The following BARD1 variants were observed in gnomAD, a reference collection of about 807,000 sequenced individuals.
BARD1 encodes the protein BRCA1 associated RING domain 1, also known as BRCA1-associated RING domain protein 1.
BARD1 carries 73 observed loss-of-function variants against 77.0 expected under a neutral mutation model. That is an observed-to-expected ratio of 0.95 (90% CI 0.79 to 1.15). The LOEUF is 1.15. Ranked by LOEUF, BARD1 falls within the 50% of genes most tolerant of loss-of-function variation. The pLI is 0.00. For missense variants in BARD1, 993 were observed against 938.8 expected, an observed-to-expected ratio of 1.06 and a Z score of -0.75; for synonymous variants, 384 against 338.0, an observed-to-expected ratio of 1.14 and a Z score of -1.49.
At chr2:214,805,844 C>A (rs1033305656) in intron 1 of BARD1, among the ~76,000 whole-genome samples, 2 of 152,100 alleles carry the variant, frequency 1.3e-5, no homozygotes, top group African/African-American at 4.8e-5. Context: ...AAAAGGCCCA[C>A]GTTACAATTG....
chr2:214,744,930 C>G, intron 9 of BARD1, 137 bp downstream of exon 9: 2 of 830,754 alleles, frequency 2.4e-6, no homozygotes, highest in Non-Finnish European at 4.0e-6. Flanking sequence ...CACGCCCAGC[C>G]AGAAGCTTTT....
intron 5 of BARD1, 93 bp from the exon 6 acceptor site, chr2:214,767,747 A>T: frequency 8.3e-7 from 1 of 1,198,204 alleles, no homozygotes; most frequent in Non-Finnish European, 1.2e-6. Flanking sequence ...ATAAATGTAA[A>T]CGTCAGGCAG....
At chr2:214,808,642 T>C (rs1696393967) in intron 1 of BARD1, among the ~76,000 whole-genome samples, 1 of 152,146 alleles carries the variant, frequency 6.6e-6, no homozygotes, top group Non-Finnish European at 1.5e-5. Context: ...GACAAACCTT[T>C]CTTGGGTTTT....
intron 1 of BARD1, among the ~76,000 whole-genome samples, chr2:214,800,194 T>C (rs1187247393): frequency 6.6e-6 from 1 of 152,246 alleles, no homozygotes; most frequent in Non-Finnish European, 1.5e-5. Context: ...CTATCACATA[T>C]TAGTAATGAT....
chr2:214,781,579 T>C (rs777104821), intron 3 of BARD1, 70 bp from the exon 4 acceptor site: 132 of 1,318,360 alleles, frequency 1.0e-4, no homozygotes, highest in Admixed American at 2.1e-4. Flanking sequence ...TCCCGAAGAA[T>C]TTTGTTTACA....
intron 9 of BARD1, among the ~76,000 whole-genome samples, chr2:214,743,194 T>G (rs1692928066): frequency 6.6e-6 from 1 of 152,180 alleles, no homozygotes; most frequent in Non-Finnish European, 1.5e-5. Context: ...TAGCTGTATT[T>G]GAAAATGACA....
chr2:214,786,617 G>T (rs1333509667), intron 3 of BARD1, among the ~76,000 whole-genome samples: 1 of 151,906 alleles, frequency 6.6e-6, no homozygotes, highest in Non-Finnish European at 1.5e-5. Context: ...AGAAATTTCA[G>T]ACATGGTCCC....
chr2:214,777,077 C>G (rs1694767636), intron 4 of BARD1, among the ~76,000 whole-genome samples: 1 of 152,126 alleles, frequency 6.6e-6, no homozygotes, highest in Non-Finnish European at 1.5e-5. Context: ...TTTCCTGGAA[C>G]CTCCTGAAAA....
intron 1 of BARD1, among the ~76,000 whole-genome samples, chr2:214,803,656 G>T (rs1696134541): frequency 6.6e-6 from 1 of 152,160 alleles, no homozygotes; most frequent in South Asian, 2.1e-4. Flanking sequence ...CCCCCTCTCG[G>T]AGAAACACCC....
At chr2:214,767,997 T>G (rs187241716) in intron 5 of BARD1, among the ~76,000 whole-genome samples, 2 of 152,342 alleles carry the variant, frequency 1.3e-5, no homozygotes, top group East Asian at 3.9e-4. Flanking sequence ...TCTACATATT[T>G]AATAACAAGA....
chr2:214,780,950 A>G lies in BARD1; in HGVS notation c.924T>C (p.Leu308=), dbSNP rs758559877. 2 of 1,613,682 alleles carry G rather than the reference A, an allele frequency of 1.2e-6. No homozygotes were observed. Among genetic ancestry groups the G allele is most frequent in the African/African-American group, 2.7e-5 (2 of 74,876 alleles). The change falls in exon 4 of 11, where the codon CTT becomes CTC. Residue 308 remains leucine, a synonymous_variant. Transcript: ENST00000260947. The part of the protein sequence containing the change: ...VTPEKVCKNY[L]TSKKSLPLEN... Reference sequence around the variant, plus strand: ...CTAATGGCAAAGATTTCTTAGATGTAAGATAATTTTTGCAGACCTTCTCAG... The same window carrying G: ...CTAATGGCAAAGATTTCTTAGATGTGAGATAATTTTTGCAGACCTTCTCAG...
In BARD1 at chr2:214,728,849, C is replaced by T. The variant is rs554708247; in HGVS notation, c.2161G>A (p.Ala721Thr). ...TCAGAATCGGGTCTCGCATGGTATG[C>T]GACTGTATTGATGGTCTGAGTCACG... is the stretch of plus-strand genomic sequence containing the variant. ...SDVTQTINTV[A>T]YHARPDSDQR... The change falls in exon 11 of 11, where the codon GCA (alanine) becomes ACA (threonine). Residue 721 changes from alanine to threonine, a missense_variant. Coordinates refer to ENST00000260947, the MANE Select transcript of BARD1 (RefSeq NM_000465.4). 26 of 1,614,146 alleles carry T rather than the reference C, an allele frequency of 1.6e-5. No individual in the cohort carries two copies. Among genetic ancestry groups the T allele is most frequent in the Middle Eastern group, 3.3e-4 (2 of 6,062 alleles).
intron 3 of BARD1, among the ~76,000 whole-genome samples, chr2:214,784,975 T>C (rs971363222): frequency 6.6e-6 from 1 of 151,136 alleles, no homozygotes; most frequent in Admixed American, 6.6e-5. Context: ...TGTAAACCTA[T>C]GTAACAAACC....
At chr2:214,758,371 A>G (rs570547550) in intron 6 of BARD1, among the ~76,000 whole-genome samples, 2 of 152,348 alleles carry the variant, frequency 1.3e-5, no homozygotes, top group African/African-American at 4.8e-5. Context: ...GAACAGCTCA[A>G]TAACTGCCAT....
intron 1 of BARD1, among the ~76,000 whole-genome samples, chr2:214,805,986 G>T (rs1038664228): frequency 6.6e-6 from 1 of 152,060 alleles, no homozygotes; most frequent in African/African-American, 2.4e-5. Context: ...CTTCCTTTAG[G>T]AACACATTAT....
At chr2:214,750,505 T>G (rs1165890568) in intron 7 of BARD1, among the ~76,000 whole-genome samples, 2 of 152,196 alleles carry the variant, frequency 1.3e-5, no homozygotes, top group African/African-American at 4.8e-5. Context: ...TCTGAGCAGC[T>G]GTTCCTTAGA....
chr2:214,763,701 T>C (rs1694064168), intron 6 of BARD1, among the ~76,000 whole-genome samples: 4 of 151,772 alleles, frequency 2.6e-5, no homozygotes, highest in Admixed American at 2.6e-4. Context: ...CCAGCAAGAG[T>C]AAGAGATACA....
rs543974545 is a variant in BARD1, at chr2:214,767,619, C to T, written c.1431G>A (p.Val477=). ...ATGCCTTATGCTGGAGCAATAATTC[C>T]ACTACCTTCAGGTGCCCATGATTGC... The part of the protein sequence containing the change: ...EACNHGHLKV[V]ELLLQHKALV... Residue 477 remains valine, a synonymous_variant, in exon 6 of 11, where the codon GTG becomes GTA. Coordinates refer to ENST00000260947, the MANE Select transcript of BARD1 (RefSeq NM_000465.4). The T allele has an allele frequency of 6.2e-7, 1 of 1,614,018 alleles. No individual in the cohort carries two copies. Among genetic ancestry groups the T allele is most frequent in the East Asian group, 2.2e-5 (1 of 44,878 alleles).
At chr2:214,751,340 T>C (rs182646004) in intron 7 of BARD1, among the ~76,000 whole-genome samples, 64 of 150,346 alleles carry the variant, frequency 4.3e-4, no homozygotes, top group Non-Finnish European at 8.3e-4. Flanking sequence ...GTATTTTTCA[T>C]AGAGATGGGA....
Sources: allele counts gnomAD v4.1 joint callset (sites outside exome capture counted in the v4.1 genomes callset), GRCh38; gene constraint gnomAD v4.1.1; transcripts MANE v1.5; gene names NCBI Gene and HGNC (gene_info 2026-07-23, HGNC 2026-07-21).